The following PPA2 variants were observed in gnomAD, a reference collection of about 807,000 sequenced individuals.
The protein encoded by PPA2 is inorganic pyrophosphatase 2, mitochondrial.
In PPA2, 48 loss-of-function variants were observed where a neutral mutation model predicts 49.5. The ratio of observed to expected loss-of-function variants is 0.97; its 90% CI spans 0.77 to 1.23. The LOEUF (loss-of-function observed/expected upper bound fraction) is 1.23, where lower values mean the gene tolerates loss of function less well. Ranked by LOEUF, PPA2 falls within the 50% of genes most tolerant of loss-of-function variation. The probability of loss-of-function intolerance (pLI) is 0.00; values close to 1 mark genes in which losing one functional copy is unlikely to be tolerated. For missense variants in PPA2, 429 were observed against 410.1 expected (o/e 1.05, Z -0.40); for synonymous variants, 131 against 139.9 (o/e 0.94, Z 0.45).
intron 11 of PPA2, 178 bp downstream of exon 11, chr4:105,370,659 T>G: frequency 1.1e-6 from 1 of 948,034 alleles, no homozygotes; most frequent in Non-Finnish European, 1.3e-6. Flanking sequence ...ATTCTCCTTA[T>G]TTTCTGAGTT....
chr4:105,449,400 G>T lies in PPA2; in HGVS notation c.271C>A (p.Leu91Met). Reference protein sequence around the residue: ...KKARNDEYENLFNMIVEIPRW... With the variant: ...KKARNDEYENMFNMIVEIPRW... Reference sequence around the variant, plus strand: ...GGTATTTCTACAATCATATTAAACAGATTCTGCAGTTAAAAACAAAACAAA... The same window carrying T: ...GGTATTTCTACAATCATATTAAACATATTCTGCAGTTAAAAACAAAACAAA... The change falls in exon 4 of 12, where the codon CTG (leucine) becomes ATG (methionine). Residue 91 changes from leucine to methionine, a missense_variant. Physicochemically the swap from Leu to Met is conservative, Grantham distance 15. Transcript: ENST00000341695. The T allele has an allele frequency of 6.4e-7, 1 of 1,570,060 alleles. No individual in the cohort carries two copies. Among genetic ancestry groups the T allele is most frequent in the Non-Finnish European group, 8.7e-7 (1 of 1,149,902 alleles).
intron 5 of PPA2, among the ~76,000 whole-genome samples, chr4:105,440,827 A>T (rs1578864307): frequency 6.6e-6 from 1 of 152,304 alleles, no homozygotes; most frequent in East Asian, 1.9e-4. Flanking sequence ...ATATGGTTCC[A>T]TATGTTGAGA....
chr4:105,428,526 C>CA (rs35821105), intron 6 of PPA2, among the ~76,000 whole-genome samples: 85,741 of 143,920 alleles, frequency 0.6, 24,932 homozygotes, highest in East Asian at 0.68. Flanking sequence ...AAATGGAAAG[C>CA]AAAAAAAAAA....
intron 7 of PPA2, among the ~76,000 whole-genome samples, chr4:105,409,944 C>A (rs111563625): frequency 0.011 from 1,658 of 152,282 alleles, 29 homozygotes; most frequent in African/African-American, 0.033. Flanking sequence ...GATAAAACCA[C>A]AAAGATGGGG....
chr4:105,463,460 G>A (rs1307374027), intron 1 of PPA2, among the ~76,000 whole-genome samples: 1 of 152,226 alleles, frequency 6.6e-6, no homozygotes, highest in Non-Finnish European at 1.5e-5. Context: ...GCCTGACAAT[G>A]TGAGAGAAAA....
intron 10 of PPA2, among the ~76,000 whole-genome samples, chr4:105,377,811 T>A (rs56261623): frequency 0.018 from 2,704 of 152,256 alleles, 37 homozygotes; most frequent in African/African-American, 0.022. Flanking sequence ...GTATGATATA[T>A]CTGTTTTCAC....
chr4:105,434,928 T>A (rs1723979424), intron 6 of PPA2, among the ~76,000 whole-genome samples: 1 of 152,230 alleles, frequency 6.6e-6, no homozygotes, highest in African/African-American at 2.4e-5. Flanking sequence ...GTAGAATTCT[T>A]ACAAAACCAC....
rs11301777 is a variant in PPA2 at position 105,370,667 on chromosome 4, G to A, written c.976+170C>T. The A allele has an allele frequency of 0.24, 225,529 of 931,228 alleles. 28,467 individuals are homozygous for A. Among genetic ancestry groups the A allele is most frequent in the East Asian group, 0.43 (3,654 of 8,444 alleles). The allele number at this position is 931,228 out of a possible 1,614,324, so 57.7% of individuals were successfully genotyped here. On this transcript the variant is annotated intron_variant, in intron 11 of 11. Transcript: ENST00000341695. ...TAAATGCATTCTCCTTATTTTCTGAGTTAGAAAATATTTCATCTGAAATTT... is the reference window on the plus strand; with the variant it reads ...TAAATGCATTCTCCTTATTTTCTGAATTAGAAAATATTTCATCTGAAATTT...
At chr4:105,426,349 C>A (rs1723508225) in intron 6 of PPA2, among the ~76,000 whole-genome samples, 1 of 152,118 alleles carries the variant, frequency 6.6e-6, no homozygotes, top group African/African-American at 2.4e-5. Flanking sequence ...TGGGTGCAGC[C>A]CTCGGAGAGC....
intron 4 of PPA2, 128 bp from the exon 5 acceptor site, chr4:105,446,630 TG>T: frequency 8.5e-7 from 1 of 1,178,930 alleles, no homozygotes; most frequent in Non-Finnish European, 1.2e-6. Context: ...TGATCAAAGA[TG>T]CTTTAAAAGA....
chr4:105,401,959 T>C (rs928751144), intron 7 of PPA2, among the ~76,000 whole-genome samples: 1 of 152,226 alleles, frequency 6.6e-6, no homozygotes, highest in South Asian at 2.1e-4. Flanking sequence ...TCCCAAACCA[T>C]TTATGCTAAC....
At chr4:105,450,388 T>C (rs76500659) in intron 3 of PPA2, among the ~76,000 whole-genome samples, 268 of 152,014 alleles carry the variant, frequency 1.8e-3, no homozygotes, top group Non-Finnish European at 2.5e-3. Flanking sequence ...TTTTTTTTTT[T>C]TCTCCCAAGA....
At chr4:105,377,965 TTCTG>T (rs1054519613) in intron 10 of PPA2, among the ~76,000 whole-genome samples, 28 of 152,166 alleles carry the variant, frequency 1.8e-4, no homozygotes, top group Non-Finnish European at 3.2e-4. Context: ...TGTTTTCAGT[TTCTG>T]TCTATCACAA....
intron 6 of PPA2, among the ~76,000 whole-genome samples, chr4:105,436,770 G>A (rs1250455708): frequency 6.6e-6 from 1 of 152,112 alleles, no homozygotes; most frequent in Non-Finnish European, 1.5e-5. Flanking sequence ...CTAGCCATAG[G>A]CTGAAGAATG....
chr4:105,469,525 C>T (rs768071455), intron 1 of PPA2, among the ~76,000 whole-genome samples: 2 of 152,176 alleles, frequency 1.3e-5, no homozygotes, highest in Non-Finnish European at 2.9e-5. Flanking sequence ...CACACGACTA[C>T]AAAACCACTT....
chr4:105,429,328 T>C (rs1222738951), intron 6 of PPA2, among the ~76,000 whole-genome samples: 2 of 152,162 alleles, frequency 1.3e-5, no homozygotes, highest in African/African-American at 4.8e-5. Context: ...AAAGATGGCG[T>C]ATCTTACAGT....
In PPA2 at chr4:105,425,629, G is replaced by A. The variant is rs551013567; in HGVS notation, c.529-1307C>T. Among the ~76,000 whole-genome samples, 66 of 151,746 alleles carry A rather than the reference G, an allele frequency of 4.3e-4. 1 individual carries two copies. The South Asian group carries it at 0.013, about 29-fold the overall frequency. Reference sequence around the variant, plus strand: ...AATGGAATTCCAGAATGGGAAAGAGGAGGCCAAAAAATATTTGAATAAATA... The same window carrying A: ...AATGGAATTCCAGAATGGGAAAGAGAAGGCCAAAAAATATTTGAATAAATA... On this transcript the variant is annotated intron_variant, in intron 6 of 11. Transcript: ENST00000341695.
chr4:105,436,387 T>C (rs893224638), intron 6 of PPA2, among the ~76,000 whole-genome samples: 13 of 152,262 alleles, frequency 8.5e-5, no homozygotes, highest in Admixed American at 4.6e-4. Context: ...AATGCCAATA[T>C]TGCTCAAAGC....
Position 105,369,459 on chromosome 4 carries a change from G to A in PPA2, c.*266C>T. The stretch of plus-strand genomic sequence containing the variant: ...AGGCTGGTCTTGAACTCCTGACCTT[G>A]TGATCTGCCCACCTCGGCCTCCCAA... On this transcript the variant is annotated 3_prime_UTR_variant, in exon 12 of 12. Transcript: ENST00000341695. The A allele has an allele frequency of 2.6e-6, 1 of 390,850 alleles. No homozygotes were observed. The highest frequency in any genetic ancestry group is 3.3e-5 in the South Asian group (1 of 29,890). 24.2% of individuals were successfully genotyped at this position (390,850 alleles called of 1,614,324 possible). A position where few individuals can be genotyped will look rare whatever the true frequency, so the allele number is the denominator to read the frequency against.
Sources: gnomAD v4.1 joint callset for allele counts (sites outside exome capture counted in the v4.1 genomes callset) on GRCh38, gnomAD v4.1.1 for gene constraint, MANE v1.5 for transcripts, NCBI Gene and HGNC (gene_info 2026-07-23, HGNC 2026-07-21) for gene names.